The following PDCD2L variants were observed in gnomAD, a reference collection of about 807,000 sequenced individuals.
PDCD2L encodes the protein uS5 assembly chaperone PDCD2L.
Under a neutral mutation model 40.4 loss-of-function variants are expected in PDCD2L, and 44 were observed. The ratio of observed to expected loss-of-function variants is 1.09; its 90% CI spans 0.86 to 1.40. The LOEUF is 1.40. PDCD2L is among the 40% of genes most tolerant of loss of function. PDCD2L has a pLI of 0.00. For synonymous variants in PDCD2L, 194 were observed against 174.6 expected, an observed-to-expected ratio of 1.11 and a Z score of -0.88; for missense variants, 470 against 453.7, an observed-to-expected ratio of 1.04 and a Z score of -0.33.
rs183116759 is a variant in PDCD2L, at chr19:34,422,736, G to A, written c.946+1069G>A. Among the ~76,000 whole-genome samples the A allele has an allele frequency of 2.2e-3, 328 of 150,522 alleles. 2 individuals carry two copies. Among genetic ancestry groups the A allele is most frequent in the Admixed American group, 5.6e-3 (84 of 15,076 alleles). On this transcript the variant is annotated intron_variant, in intron 6 of 6. Coordinates refer to ENST00000246535, the MANE Select transcript of PDCD2L (RefSeq NM_032346.2). ...TTTTTTTTTCCTTCTTTTTTCTTGA[G>A]ACGGAGTCTTGCTCTGTCGCCCAGG...
chr19:34,411,060 G>C (rs2075100339), intron 4 of PDCD2L, among the ~76,000 whole-genome samples: 2 of 151,954 alleles, frequency 1.3e-5, no homozygotes, highest in East Asian at 1.9e-4. Flanking sequence ...CGGGATTACA[G>C]GTGTGAGCCA....
In PDCD2L at chr19:34,421,509, C is replaced by T. The variant is rs764534389; in HGVS notation, c.798-10C>T. Reference sequence around the variant, plus strand: ...GCTCTGATTCGGGGTTCTTTGTTTCCTTGTCCTAGGTATTCCTGGAGTGGA... The same window carrying T: ...GCTCTGATTCGGGGTTCTTTGTTTCTTTGTCCTAGGTATTCCTGGAGTGGA... On this transcript the variant is annotated splice_polypyrimidine_tract_variant and intron_variant, in intron 5 of 6. Coordinates refer to ENST00000246535, the MANE Select transcript of PDCD2L (RefSeq NM_032346.2). 1.2e-6 allele frequency: 2 copies of T among 1,613,442 alleles called. No individual in the cohort carries two copies. The highest frequency in any genetic ancestry group is 2.2e-5 in the East Asian group (1 of 44,850).
intron 5 of PDCD2L, among the ~76,000 whole-genome samples, chr19:34,415,770 T>G (rs781102237): frequency 6.6e-6 from 1 of 151,846 alleles, no homozygotes; most frequent in Non-Finnish European, 1.5e-5. Flanking sequence ...TCTAGTAGAG[T>G]TCTTGAGTGT....
At chr19:34,412,647 G>C (rs1005192513) in intron 4 of PDCD2L, among the ~76,000 whole-genome samples, 20 of 151,650 alleles carry the variant, frequency 1.3e-4, no homozygotes, top group Non-Finnish European at 7.4e-5. Context: ...GAACCCAGGA[G>C]GTGGAGGTTG....
intron 3 of PDCD2L, among the ~76,000 whole-genome samples, chr19:34,407,913 A>AGTTT (rs541716922): frequency 5.7e-4 from 86 of 152,084 alleles, no homozygotes; most frequent in African/African-American, 1.8e-3. Context: ...ATATACACTG[A>AGTTT]GTTTGTTTGT....
intron 4 of PDCD2L, among the ~76,000 whole-genome samples, chr19:34,412,890 CACCA>C (rs1371021395): frequency 6.6e-6 from 1 of 151,976 alleles, no homozygotes; most frequent in African/African-American, 2.4e-5. Flanking sequence ...AGGTGCATGC[CACCA>C]TGCCCAGCTA....
chr19:34,404,621 G>T, intron 1 of PDCD2L, 28 bp from the exon 2 acceptor site: 1 of 1,604,094 alleles, frequency 6.2e-7, no homozygotes, highest in Non-Finnish European at 8.5e-7. Flanking sequence ...GGGGAGTCGG[G>T]GTCTGAGCGC....
At chr19:34,405,112 C>G in intron 3 of PDCD2L, 122 bp downstream of exon 3, 1 of 766,304 alleles carries the variant, frequency 1.3e-6, no homozygotes, top group Non-Finnish European at 1.9e-6. Context: ...TTTTGCTTTT[C>G]TGAAGAACCA....
chr19:34,407,054 C>A (rs2075079881), intron 3 of PDCD2L, among the ~76,000 whole-genome samples: 1 of 150,988 alleles, frequency 6.6e-6, no homozygotes, highest in African/African-American at 2.4e-5. Flanking sequence ...CCAGGCTGGT[C>A]TTGAACTCCT....
At position 34,421,634 on chromosome 19, in the gene PDCD2L, G is replaced by T. The variant is rs141281403; in HGVS notation, c.913G>T (p.Ala305Ser). The change falls in exon 6 of 7, where the codon GCA (alanine) becomes TCA (serine). Residue 305 changes from alanine to serine, a missense_variant. Ala to Ser is a moderately conservative substitution (Grantham distance 99, BLOSUM62 1). Transcript: ENST00000246535. ...GATATTTGAGTTTCAGCTTATGCCA[G>T]CACTGGTCAGCATGCTCAAGAGTGC... ...QRIFEFQLMP[A>S]LVSMLKSANL... 1.3e-5 allele frequency: 21 copies of T among 1,614,126 alleles called. No homozygotes were observed. The African/African-American group carries it at 2.7e-4, about 20-fold the overall frequency.
At position 34,425,910 on chromosome 19, in the gene PDCD2L, A is replaced by G; in HGVS notation, c.947-80A>G. ...CTTTACCTAATTACTTTTTCAGCTT[A>G]TAAGGTAAAATCATTCCTTTTAGTA... On this transcript the variant is annotated intron_variant, in intron 6 of 6. Transcript: ENST00000246535. 5.5e-6 allele frequency: 8 copies of G among 1,441,888 alleles called. No homozygotes were observed. In the East Asian group the frequency reaches 1.6e-4, roughly 29 times the overall value. The allele number at this position is 1,441,888 out of a possible 1,614,324, so 89.3% of individuals were successfully genotyped here.
intron 5 of PDCD2L, among the ~76,000 whole-genome samples, chr19:34,414,324 C>T (rs899145710): frequency 5.5e-5 from 8 of 146,660 alleles, no homozygotes; most frequent in Non-Finnish European, 1.2e-4. Context: ...TACAGGTGCC[C>T]GCCACCCTGC....
chr19:34,424,261 T>C (rs2075165828), intron 6 of PDCD2L, among the ~76,000 whole-genome samples: 1 of 149,686 alleles, frequency 6.7e-6, no homozygotes, highest in Non-Finnish European at 1.5e-5. Flanking sequence ...GTGGTCTGAT[T>C]TTTTCCCCCT....
intron 4 of PDCD2L, among the ~76,000 whole-genome samples, chr19:34,411,533 C>T (rs930103022): frequency 8.5e-5 from 13 of 152,232 alleles, no homozygotes; most frequent in Admixed American, 3.3e-4. Flanking sequence ...GTATTAGCCA[C>T]CACGCCCAGC....
intron 5 of PDCD2L, among the ~76,000 whole-genome samples, chr19:34,420,436 T>G (rs1052377126): frequency 1.3e-5 from 2 of 152,098 alleles, no homozygotes; most frequent in Non-Finnish European, 2.9e-5. Flanking sequence ...TTCCTGCTTC[T>G]TTGCATGTTT....
chr19:34,412,228 C>T (rs1347469950), intron 4 of PDCD2L, among the ~76,000 whole-genome samples: 5 of 151,562 alleles, frequency 3.3e-5, no homozygotes, highest in African/African-American at 1.2e-4. Flanking sequence ...CCATGTTGGC[C>T]AGGATGGTCT....
chr19:34,410,762 T>TTATGTTTATTTA (rs146147218), intron 4 of PDCD2L, among the ~76,000 whole-genome samples: 1 of 146,248 alleles, frequency 6.8e-6, no homozygotes, highest in African/African-American at 2.5e-5. Context: ...ACTTTTTATT[T>TTATGTTTATTTA]TTTATTTATT....
In PDCD2L at chr19:34,425,974, A is replaced by G; in HGVS notation, c.947-16A>G. The G allele has an allele frequency of 6.2e-7, 1 of 1,608,010 alleles. No individual in the cohort carries two copies. Among genetic ancestry groups the G allele is most frequent in the East Asian group, 2.2e-5 (1 of 44,788 alleles). On this transcript the variant is annotated splice_polypyrimidine_tract_variant and intron_variant, in intron 6 of 6. Coordinates refer to ENST00000246535, the MANE Select transcript of PDCD2L (RefSeq NM_032346.2). ...AACTCTTTTTGCTGGAAGCCTGAATATGTGGTATTTTTCAGGTCTTTCTGT... is the reference window on the plus strand; with the variant it reads ...AACTCTTTTTGCTGGAAGCCTGAATGTGTGGTATTTTTCAGGTCTTTCTGT...
At chr19:34,405,768 T>C (rs979600994) in intron 3 of PDCD2L, among the ~76,000 whole-genome samples, 2 of 152,044 alleles carry the variant, frequency 1.3e-5, no homozygotes, top group Non-Finnish European at 1.5e-5. Context: ...TAGCCGGGCA[T>C]GGTGGCAGAC....
Sources: gnomAD v4.1 joint callset for allele counts (sites outside exome capture counted in the v4.1 genomes callset) on GRCh38, gnomAD v4.1.1 for gene constraint, MANE v1.5 for transcripts, NCBI Gene and HGNC (gene_info 2026-07-23, HGNC 2026-07-21) for gene names.